The following C12orf75 variants were observed in gnomAD, a reference collection of about 807,000 sequenced individuals.
C12orf75 encodes the protein overexpressed in colon carcinoma 1 protein.
In C12orf75, 4 loss-of-function variants were observed where a neutral mutation model predicts 11.4. That is an observed-to-expected ratio of 0.35 (90% CI 0.17 to 0.80). The LOEUF is 0.80. Ranked by LOEUF, C12orf75 falls within the 30% of genes least tolerant of loss-of-function variation. The pLI, the probability that C12orf75 is intolerant of heterozygous loss-of-function variation, is 0.52. For missense variants in C12orf75, 89 were observed against 80.4 expected (o/e 1.11, Z -0.41); for synonymous variants, 30 against 30.0 (o/e 1.00, Z 0.00).
chr12:105,365,886 CCATACCT>C, intron 3 of C12orf75, 44 bp downstream of exon 3: 1 of 1,307,464 alleles, frequency 7.6e-7, no homozygotes, highest in Non-Finnish European at 1.1e-6. Context: ...ATGGTTTTGG[CCATACCT>C]CATGGATTTA....
At chr12:105,368,193 C>T (rs548115021) in intron 5 of C12orf75, among the ~76,000 whole-genome samples, 1 of 152,312 alleles carries the variant, frequency 6.6e-6, no homozygotes, top group Admixed American at 6.5e-5. Context: ...CTTTAAAAGA[C>T]ATGGAGCAGC....
At chr12:105,346,554 A>AAT (rs1892643660) in intron 1 of C12orf75, among the ~76,000 whole-genome samples, 1 of 152,160 alleles carries the variant, frequency 6.6e-6, no homozygotes, top group Non-Finnish European at 1.5e-5. Flanking sequence ...TTGGTTTAAT[A>AAT]ATCTCTGATT....
Position 105,367,533 on chromosome 12 carries a change from T to A in C12orf75, c.*33+24T>A, listed in dbSNP as rs935348809. 9.2e-6 allele frequency: 6 copies of A among 648,816 alleles called. No homozygotes were observed. In the African/African-American group the frequency reaches 1.1e-4, roughly 12 times the overall value. The allele number at this position is 648,816 out of a possible 1,614,324, so 40.2% of individuals were successfully genotyped here. A position where few individuals can be genotyped will look rare whatever the true frequency, so the allele number is the denominator to read the frequency against. On this transcript the variant is annotated intron_variant, in intron 5 of 5. Coordinates refer to ENST00000443585, the MANE Select transcript of C12orf75 (RefSeq NM_001145199.2). ...AGGTGCTGTATATTTTTCTAAATAATTCTATATATTTAGACTTATTGATGA... is the reference window on the plus strand; with the variant it reads ...AGGTGCTGTATATTTTTCTAAATAAATCTATATATTTAGACTTATTGATGA...
chr12:105,336,214 A>T (rs1329459798), intron 1 of C12orf75, among the ~76,000 whole-genome samples: 2 of 152,180 alleles, frequency 1.3e-5, no homozygotes, highest in African/African-American at 2.4e-5. Flanking sequence ...GTTGCAGGGT[A>T]TTGGGAAGAA....
chr12:105,351,584 C>G (rs1426180354), intron 2 of C12orf75, among the ~76,000 whole-genome samples: 1 of 152,062 alleles, frequency 6.6e-6, no homozygotes, highest in Non-Finnish European at 1.5e-5. Flanking sequence ...GCTAATTATT[C>G]CAGTGTTCAG....
chr12:105,368,404 G>A (rs1350631025), intron 5 of C12orf75, among the ~76,000 whole-genome samples: 2 of 152,142 alleles, frequency 1.3e-5, no homozygotes, highest in African/African-American at 4.8e-5. Flanking sequence ...TATGAATTCA[G>A]GCTCTCATTT....
chr12:105,344,494 G>A (rs1892611380), intron 1 of C12orf75, among the ~76,000 whole-genome samples: 1 of 152,150 alleles, frequency 6.6e-6, no homozygotes, highest in Admixed American at 6.5e-5. Flanking sequence ...TGTAATCCCA[G>A]TACTTGGGGA....
At chr12:105,355,609 A>G (rs986757147) in intron 2 of C12orf75, among the ~76,000 whole-genome samples, 9 of 152,176 alleles carry the variant, frequency 5.9e-5, no homozygotes, top group African/African-American at 2.2e-4. Flanking sequence ...TGAAAATGAA[A>G]TGGCCCCACC....
At chr12:105,344,240 A>G (rs1474909756) in intron 1 of C12orf75, among the ~76,000 whole-genome samples, 1 of 152,206 alleles carries the variant, frequency 6.6e-6, no homozygotes, top group African/African-American at 2.4e-5. Flanking sequence ...TTGTTGGCCC[A>G]GTATGTCCTC....
At chr12:105,337,973 A>G (rs1443528922) in intron 1 of C12orf75, among the ~76,000 whole-genome samples, 1 of 152,160 alleles carries the variant, frequency 6.6e-6, no homozygotes, top group Non-Finnish European at 1.5e-5. Flanking sequence ...GTAAGAGAAA[A>G]AAAACCTATG....
At chr12:105,363,553 C>T (rs1376697607) in intron 2 of C12orf75, among the ~76,000 whole-genome samples, 1 of 152,038 alleles carries the variant, frequency 6.6e-6, no homozygotes, top group East Asian at 1.9e-4. Flanking sequence ...GTTGAAACCT[C>T]GTCTCTACTA....
intron 2 of C12orf75, among the ~76,000 whole-genome samples, chr12:105,350,462 C>T (rs1396920901): frequency 1.3e-5 from 2 of 152,144 alleles, no homozygotes; most frequent in Non-Finnish European, 2.9e-5. Context: ...TTTGCTGTGC[C>T]CACTGCCTGG....
chr12:105,351,554 C>T (rs1892714027), intron 2 of C12orf75, among the ~76,000 whole-genome samples: 1 of 152,018 alleles, frequency 6.6e-6, no homozygotes. Context: ...TACTAGGGAC[C>T]AAAATACAGT....
rs771376717 is a variant in C12orf75 at position 105,345,659 on chromosome 12, C to CTTTTTTTTTTT, written c.47-2933_47-2923dup. On this transcript the variant is annotated intron_variant, in intron 1 of 5. Transcript: ENST00000443585. ...TCCTGATCTTGAATTAGTGTCTGGC[C>CTTTTTTTTTTT]TTTTTTTTTTTTTTTTTTTTGAGAC... 7.2e-4 allele frequency among the ~76,000 whole-genome samples: 53 copies of CTTTTTTTTTTT among 73,494 alleles called. 8 individuals are homozygous for CTTTTTTTTTTT. Among genetic ancestry groups the CTTTTTTTTTTT allele is most frequent in the African/African-American group, 9.6e-4 (17 of 17,778 alleles). The allele number at this position is 73,494 out of a possible 152,430, so 48.2% of individuals were successfully genotyped here.
At chr12:105,353,495 A>C (rs1361187839) in intron 2 of C12orf75, 2 of 152,162 alleles carry the variant, frequency 1.3e-5, no homozygotes, top group African/African-American at 4.8e-5. Flanking sequence ...CAGTATCATC[A>C]GCCCCACCTT....
At chr12:105,366,084 C>G in intron 3 of C12orf75, 1 of 503,932 alleles carries the variant, frequency 2.0e-6, no homozygotes, top group African/African-American at 1.9e-5. Flanking sequence ...CATCCTATGA[C>G]CTTTGGGTGT....
At chr12:105,365,710 TTGACTTCAACTCA>T in intron 2 of C12orf75, 84 bp from the exon 3 acceptor site, 2 of 778,734 alleles carry the variant, frequency 2.6e-6, no homozygotes, top group Non-Finnish European at 4.5e-6. Flanking sequence ...TGAAATAAAA[TTGACTTCAACTCA>T]GTAGTCCCTT....
chr12:105,356,848 A>G lies in C12orf75; in HGVS notation c.71+8222A>G, dbSNP rs148038129. ...ATTCATATTTTATGTATTAACTTTG[A>G]ATAAGGTTTCACTTAATGAAAGTGA... On this transcript the variant is annotated intron_variant, in intron 2 of 5. Transcript: ENST00000443585. 1.3e-3 allele frequency among the ~76,000 whole-genome samples: 205 copies of G among 152,344 alleles called. 2 individuals carry two copies. The highest frequency in any genetic ancestry group is 7.7e-3 in the East Asian group (40 of 5,190).
At chr12:105,340,998 G>T (rs1892566426) in intron 1 of C12orf75, among the ~76,000 whole-genome samples, 1 of 152,168 alleles carries the variant, frequency 6.6e-6, no homozygotes, top group Admixed American at 6.5e-5. Context: ...TGTACTTCTG[G>T]CCTCCAGATC....
Sources: allele counts gnomAD v4.1 joint callset (sites outside exome capture counted in the v4.1 genomes callset), GRCh38; gene constraint gnomAD v4.1.1; transcripts MANE v1.5; gene names NCBI Gene and HGNC (gene_info 2026-07-23, HGNC 2026-07-21).